The following SCIMP variants were observed in gnomAD, a reference collection of about 807,000 sequenced individuals.
The protein encoded by SCIMP is SLP adaptor and CSK interacting membrane protein.
SCIMP carries 18 observed loss-of-function variants against 22.0 expected under a neutral mutation model. The observed-to-expected ratio is 0.82, with a 90% CI of 0.56 to 1.21. SCIMP has a LOEUF of 1.21. Ranked by LOEUF, SCIMP falls within the 50% of genes most tolerant of loss-of-function variation. The pLI is 0.00. For synonymous variants in SCIMP, 53 were observed against 62.2 expected, an observed-to-expected ratio of 0.85 and a Z score of 0.70; for missense variants, 155 against 171.2, an observed-to-expected ratio of 0.91 and a Z score of 0.53.
intron 1 of SCIMP, among the ~76,000 whole-genome samples, chr17:5,233,595 T>A (rs1470920954): frequency 6.6e-6 from 1 of 152,052 alleles, no homozygotes; most frequent in Non-Finnish European, 1.5e-5. Context: ...CTGGTCTTGA[T>A]CTCTTGACCT....
chr17:5,210,663 C>A lies in SCIMP; in HGVS notation c.*138G>T. The A allele has an allele frequency of 8.5e-7, 1 of 1,183,110 alleles. No individual in the cohort carries two copies. Among genetic ancestry groups the A allele is most frequent in the Non-Finnish European group, 1.2e-6 (1 of 857,774 alleles). 73.3% of individuals were successfully genotyped at this position (1,183,110 alleles called of 1,614,324 possible). ...GTCTTCATCTAAGGTTTGGGAAGTGCTTTATCTTATAGAGCTTCATAAAAT... is the reference window on the plus strand; with the variant it reads ...GTCTTCATCTAAGGTTTGGGAAGTGATTTATCTTATAGAGCTTCATAAAAT... On this transcript the variant is annotated 3_prime_UTR_variant, in exon 5 of 5. Transcript: ENST00000574081.
chr17:5,223,546 T>A, intron 1 of SCIMP, 90 bp from the exon 2 acceptor site: 1 of 1,313,170 alleles, frequency 7.6e-7, no homozygotes. Flanking sequence ...GTGGGTTGTT[T>A]TTTTTTTCTT....
chr17:5,230,588 C>T (rs558089601), intron 1 of SCIMP, among the ~76,000 whole-genome samples: 1 of 152,224 alleles, frequency 6.6e-6, no homozygotes, highest in African/African-American at 2.4e-5. Context: ...CTTAACCTAC[C>T]TTACTTGATT....
intron 1 of SCIMP, among the ~76,000 whole-genome samples, chr17:5,226,752 G>A (rs911843911): frequency 1.4e-4 from 21 of 151,730 alleles, no homozygotes; most frequent in Non-Finnish European, 2.6e-4. Context: ...CAGGTGATCC[G>A]CCTGCCTCAG....
intron 1 of SCIMP, among the ~76,000 whole-genome samples, chr17:5,224,127 T>G (rs970172423): frequency 1.3e-5 from 2 of 152,138 alleles, no homozygotes; most frequent in Non-Finnish European, 2.9e-5. Context: ...AAAGCAATAA[T>G]TGACTGCAGG....
intron 3 of SCIMP, among the ~76,000 whole-genome samples, chr17:5,217,149 T>C (rs2074571041): frequency 6.6e-6 from 1 of 152,086 alleles, no homozygotes. Flanking sequence ...TTGGGAAAAG[T>C]CTAGCTCCTC....
rs1401181905 is a variant in SCIMP at position 5,210,255 on chromosome 17, T to G, written c.*546A>C. 6.6e-6 allele frequency: 1 copy of G among 152,452 alleles called. No homozygotes were observed. The highest frequency in any genetic ancestry group is 1.5e-5 in the Non-Finnish European group (1 of 68,340). 9.4% of individuals were successfully genotyped at this position (152,452 alleles called of 1,614,324 possible). ...GAGAACAAAAGGTACTCCCTGCCCTTGCAAACTCGCGAGATGTGGTGTGGG... is the reference window on the plus strand; with the variant it reads ...GAGAACAAAAGGTACTCCCTGCCCTGGCAAACTCGCGAGATGTGGTGTGGG... On this transcript the variant is annotated 3_prime_UTR_variant, in exon 5 of 5. Coordinates refer to ENST00000574081, the MANE Select transcript of SCIMP (RefSeq NM_207103.3).
At chr17:5,225,380 G>A (rs2074639658) in intron 1 of SCIMP, among the ~76,000 whole-genome samples, 1 of 152,160 alleles carries the variant, frequency 6.6e-6, no homozygotes, top group South Asian at 2.1e-4. Flanking sequence ...CGGGAGAATT[G>A]CTTAAAGCCA....
chr17:5,227,267 C>G (rs1046655547), intron 1 of SCIMP, among the ~76,000 whole-genome samples: 1 of 141,046 alleles, frequency 7.1e-6, no homozygotes. Context: ...ATAGCAAGAC[C>G]CTGTCTCTAT....
rs186029730 is a variant in SCIMP at position 5,233,565 on chromosome 17, G to A, written c.21+1170C>T. Among the ~76,000 whole-genome samples, 268 of 152,214 alleles carry A rather than the reference G, an allele frequency of 1.8e-3. 2 individuals are homozygous for A. Among genetic ancestry groups the A allele is most frequent in the Non-Finnish European group, 2.9e-3 (194 of 68,014 alleles). On this transcript the variant is annotated intron_variant, in intron 1 of 4. Coordinates refer to ENST00000574081, the MANE Select transcript of SCIMP (RefSeq NM_207103.3). ...TTTTTGTATTTGTAGTAGAGACAGG[G>A]TTTCACCATGTTGGCCAGGCTGGTC...
chr17:5,225,826 G>T (rs1276299302), intron 1 of SCIMP, among the ~76,000 whole-genome samples: 1 of 151,864 alleles, frequency 6.6e-6, no homozygotes, highest in Non-Finnish European at 1.5e-5. Flanking sequence ...GAAGCTGGTT[G>T]CTCTCAAGTT....
chr17:5,226,641 G>A (rs1003768701), intron 1 of SCIMP, among the ~76,000 whole-genome samples: 1 of 151,626 alleles, frequency 6.6e-6, no homozygotes, highest in East Asian at 1.9e-4. Flanking sequence ...CAGTAGCTGC[G>A]ATTACAGGTG....
intron 2 of SCIMP, among the ~76,000 whole-genome samples, chr17:5,222,434 T>A (rs1460093325): frequency 2.0e-5 from 3 of 151,922 alleles, no homozygotes; most frequent in Non-Finnish European, 4.4e-5. Flanking sequence ...AACACGCCAT[T>A]GAATTAAAGC....
At chr17:5,226,655 G>A (rs1035200507) in intron 1 of SCIMP, among the ~76,000 whole-genome samples, 1 of 151,748 alleles carries the variant, frequency 6.6e-6, no homozygotes, top group Non-Finnish European at 1.5e-5. Context: ...ACAGGTGTGT[G>A]CCACCATGCC....
At chr17:5,213,335 C>T (rs2074540821) in intron 4 of SCIMP, 15 of 746,866 alleles carry the variant, frequency 2.0e-5, no homozygotes, top group Non-Finnish European at 2.4e-5. Flanking sequence ...CACTGCAGAC[C>T]TCCCAGGCTC....
chr17:5,214,597 T>G, intron 4 of SCIMP: 2 of 232,742 alleles, frequency 8.6e-6, no homozygotes, highest in Non-Finnish European at 1.6e-5. Context: ...TCCCAGCACT[T>G]TGGGAGGCCG....
chr17:5,211,575 A>G (rs1371065295), intron 4 of SCIMP, among the ~76,000 whole-genome samples: 1 of 152,076 alleles, frequency 6.6e-6, no homozygotes, highest in Non-Finnish European at 1.5e-5. Flanking sequence ...CCCAGTAGTC[A>G]TATGAGTGCT....
At chr17:5,221,471 CCAGA>C (rs533456631) in intron 2 of SCIMP, 121 bp from the exon 3 acceptor site, 6 of 751,776 alleles carry the variant, frequency 8.0e-6, no homozygotes, top group African/African-American at 3.4e-5. Context: ...GACTTAGAAC[CCAGA>C]CAGTCTAACC....
At chr17:5,234,590 C>G (rs2074729520) in intron 1 of SCIMP, 145 bp downstream of exon 1, 3 of 793,786 alleles carry the variant, frequency 3.8e-6, no homozygotes, top group African/African-American at 1.7e-5. Flanking sequence ...CAACCCTACA[C>G]AGCAGTCGTA....
Sources: allele counts gnomAD v4.1 joint callset (sites outside exome capture counted in the v4.1 genomes callset), GRCh38; gene constraint gnomAD v4.1.1; transcripts MANE v1.5; gene names NCBI Gene and HGNC (gene_info 2026-07-23, HGNC 2026-07-21).